PRELID2: variants seen among roughly 807,000 people sequenced by gnomAD.
The protein encoded by PRELID2 is PRELI domain containing 2.
A neutral mutation model predicts 28.4 loss-of-function variants in PRELID2; 25 were observed. The ratio of observed to expected loss-of-function variants is 0.88; its 90% CI spans 0.64 to 1.23. The LOEUF is 1.23. Ranked by LOEUF, PRELID2 falls within the 50% of genes most tolerant of loss-of-function variation. The probability of loss-of-function intolerance (pLI) is 0.00; values close to 1 mark genes in which losing one functional copy is unlikely to be tolerated. For missense variants in PRELID2, 201 were observed against 214.4 expected, an observed-to-expected ratio of 0.94 and a Z score of 0.39; for synonymous variants, 76 against 71.6, an observed-to-expected ratio of 1.06 and a Z score of -0.31.
the PRELID2 span, among the ~76,000 whole-genome samples, chr5:145,248,972 C>T: frequency 6.6e-6 from 1 of 152,104 alleles, no homozygotes; most frequent in Non-Finnish European, 1.5e-5. Context: ...TTGAGGCTAT[C>T]ACGTGTTTCA....
chr5:145,404,819 G>C, the PRELID2 span, among the ~76,000 whole-genome samples: 1 of 152,162 alleles, frequency 6.6e-6, no homozygotes, highest in Non-Finnish European at 1.5e-5. Context: ...TGGAAATGTA[G>C]AGGAGGCTCA....
At chr5:145,623,860 G>T (rs539829391) in intron 1 of PRELID2, among the ~76,000 whole-genome samples, 1 of 152,204 alleles carries the variant, frequency 6.6e-6, no homozygotes, top group East Asian at 1.9e-4. Flanking sequence ...ATTCAATTCT[G>T]ACACTGTCTG....
chr5:145,272,655 T>C, the PRELID2 span, among the ~76,000 whole-genome samples: 1 of 152,176 alleles, frequency 6.6e-6, no homozygotes, highest in Admixed American at 6.6e-5. Flanking sequence ...AAAAGGGTTA[T>C]TGAGACAATT....
At chr5:145,593,766 C>CA (rs1056559983) in intron 1 of PRELID2, among the ~76,000 whole-genome samples, 2 of 151,692 alleles carry the variant, frequency 1.3e-5, no homozygotes, top group African/African-American at 4.8e-5. Flanking sequence ...GTTCTTCAAC[C>CA]AAAAAATCAG....
the PRELID2 span, among the ~76,000 whole-genome samples, chr5:145,310,645 A>T: frequency 6.6e-6 from 1 of 152,050 alleles, no homozygotes; most frequent in Non-Finnish European, 1.5e-5. Context: ...GGGTTACTCA[A>T]CTTCACCCAA....
intron 1 of PRELID2, among the ~76,000 whole-genome samples, chr5:145,526,767 T>G (rs762163910): frequency 6.6e-6 from 1 of 152,190 alleles, no homozygotes; most frequent in African/African-American, 2.4e-5. Context: ...TGAGAGGCTA[T>G]GTAGAGTGTA....
At chr5:145,529,009 G>GT (rs1384315578) in intron 1 of PRELID2, among the ~76,000 whole-genome samples, 2 of 152,040 alleles carry the variant, frequency 1.3e-5, no homozygotes, top group African/African-American at 2.4e-5. Context: ...ATCTCCCTCC[G>GT]TTTTCCCTGC....
the PRELID2 span, among the ~76,000 whole-genome samples, chr5:145,392,701 A>G: frequency 6.6e-6 from 1 of 152,138 alleles, no homozygotes; most frequent in East Asian, 1.9e-4. Context: ...GGAGAGAGAG[A>G]GAAAGAAAGA....
chr5:145,526,312 T>A lies in PRELID2; in HGVS notation n.71-52997A>T, dbSNP rs569099425. Among the ~76,000 whole-genome samples the A allele has an allele frequency of 2.6e-5, 4 of 152,242 alleles. No individual in the cohort carries two copies. The South Asian group carries it at 8.3e-4, about 32-fold the overall frequency. The stretch of plus-strand genomic sequence containing the variant: ...TTTCAGAACCCAACCTCTTAACTAC[T>A]CTGTAACACTGTCAAGAGAGCATAA... On this transcript the variant is annotated intron_variant and non_coding_transcript_variant, in intron 1 of 2. Coordinates refer to the PRELID2 transcript ENST00000510259.
chr5:145,729,171 G>A (rs1247638250), intron 1 of PRELID2: 8 of 660,422 alleles, frequency 1.2e-5, no homozygotes, highest in Admixed American at 2.2e-5. Context: ...GTCCTTCAAA[G>A]TATCATTTGT....
At chr5:145,514,126 A>C (rs919957049) in intron 1 of PRELID2, among the ~76,000 whole-genome samples, 21 of 152,170 alleles carry the variant, frequency 1.4e-4, no homozygotes, top group African/African-American at 5.1e-4. Flanking sequence ...TAATGACAGA[A>C]TCAAATTCAC....
At chr5:145,589,462 TATC>T (rs1004591814) in intron 1 of PRELID2, among the ~76,000 whole-genome samples, 2 of 151,548 alleles carry the variant, frequency 1.3e-5, no homozygotes, top group African/African-American at 4.9e-5. Flanking sequence ...TAGAATTGAA[TATC>T]ATCATTTTTT....
At chr5:145,741,491 A>ATTATATATAAAATTTATTTATAATTTAT (rs1756744018) in intron 1 of PRELID2, among the ~76,000 whole-genome samples, 3 of 100,952 alleles carry the variant, frequency 3.0e-5, no homozygotes, top group Admixed American at 1.2e-4. Flanking sequence ...TTATAAATAA[A>ATTATATATAAAATTTATTTATAATTTAT]TTATATATAA....
the PRELID2 span, among the ~76,000 whole-genome samples, chr5:145,269,785 A>G: frequency 6.7e-6 from 1 of 149,756 alleles, no homozygotes; most frequent in South Asian, 2.1e-4. Flanking sequence ...GAACTAAAAC[A>G]GCATTGATAG....
the PRELID2 span, among the ~76,000 whole-genome samples, chr5:145,326,110 C>T: frequency 1.3e-5 from 2 of 152,068 alleles, no homozygotes; most frequent in African/African-American, 2.4e-5. Context: ...TGAGCTCAAG[C>T]GATCCTCCCA....
chr5:145,243,940 G>A, the PRELID2 span, among the ~76,000 whole-genome samples: 2 of 151,850 alleles, frequency 1.3e-5, no homozygotes, highest in African/African-American at 4.8e-5. Context: ...TTTCTTGTTT[G>A]TTTGTTTATT....
chr5:145,385,693 C>T, the PRELID2 span, among the ~76,000 whole-genome samples: 3 of 152,112 alleles, frequency 2.0e-5, no homozygotes, highest in Non-Finnish European at 2.9e-5. Flanking sequence ...ACAATTATTG[C>T]ATTTTGTATT....
intron 1 of PRELID2, among the ~76,000 whole-genome samples, chr5:145,711,876 C>T (rs138189033): frequency 5.8e-4 from 89 of 152,292 alleles, no homozygotes; most frequent in Middle Eastern, 3.4e-3. Context: ...CCAAGGAGAA[C>T]GCCCCAGTGA....
intron 1 of PRELID2, among the ~76,000 whole-genome samples, chr5:145,568,695 C>T (rs761978842): frequency 2.0e-5 from 3 of 152,220 alleles, no homozygotes; most frequent in Non-Finnish European, 4.4e-5. Flanking sequence ...CCTGGCCTGC[C>T]TCATAAATAA....
Sources: allele counts gnomAD v4.1 joint callset (sites outside exome capture counted in the v4.1 genomes callset), GRCh38; gene constraint gnomAD v4.1.1; transcripts MANE v1.5; gene names NCBI Gene and HGNC (gene_info 2026-07-23, HGNC 2026-07-21).